Variants in EMX1 observed in about 807,000 individuals in gnomAD.
The protein encoded by EMX1 is empty spiracles homeobox 1.
In EMX1, 10 loss-of-function variants were observed where a neutral mutation model predicts 20.1. The ratio of observed to expected loss-of-function variants is 0.50; its 90% CI spans 0.31 to 0.84. EMX1 has a LOEUF of 0.84. Ranked by LOEUF, EMX1 falls within the 40% of genes least tolerant of loss-of-function variation. EMX1 has a pLI of 0.05. For missense variants in EMX1, 424 were observed against 431.9 expected (o/e 0.98, Z 0.16); for synonymous variants, 250 against 200.4 (o/e 1.25, Z -2.09).
At chr2:72,928,718 T>C (rs1451395058) in intron 2 of EMX1, among the ~76,000 whole-genome samples, 1 of 152,174 alleles carries the variant, frequency 6.6e-6, no homozygotes. Flanking sequence ...TACTGAGTGA[T>C]GAAGGCTAAG....
chr2:72,923,774 C>T, intron 1 of EMX1: 1 of 190,370 alleles, frequency 5.3e-6, no homozygotes, highest in South Asian at 1.1e-4. Flanking sequence ...CTGTGTTTGG[C>T]AAAGGTGTGC....
chr2:72,932,203 C>T (rs140408200), intron 2 of EMX1, among the ~76,000 whole-genome samples: 298 of 152,364 alleles, frequency 2.0e-3, no homozygotes, highest in African/African-American at 6.0e-3. Context: ...AACTCTGCCA[C>T]GCAGCACCGT....
chr2:72,922,719 A>G (rs1401656893), intron 1 of EMX1, among the ~76,000 whole-genome samples: 1 of 152,242 alleles, frequency 6.6e-6, no homozygotes, highest in Non-Finnish European at 1.5e-5. Context: ...GGGAGTTTCC[A>G]CCAACAGAGG....
intron 1 of EMX1, among the ~76,000 whole-genome samples, chr2:72,920,195 G>C (rs1390778502): frequency 6.6e-6 from 1 of 152,204 alleles, no homozygotes; most frequent in Non-Finnish European, 1.5e-5. Context: ...GGGGCGCCTG[G>C]AGAGAAATCC....
chr2:72,918,411 G>C, intron 1 of EMX1, 39 bp downstream of exon 1: 1 of 1,360,650 alleles, frequency 7.3e-7, no homozygotes, highest in Non-Finnish European at 9.4e-7. Context: ...CGGCCGGCCG[G>C]CGCCCGTGCT....
chr2:72,934,140 C>G lies in EMX1; in HGVS notation c.*186C>G. The G allele has an allele frequency of 1.2e-6, 1 of 854,538 alleles. No homozygotes were observed. 52.9% of individuals were successfully genotyped at this position (854,538 alleles called of 1,614,324 possible). On this transcript the variant is annotated 3_prime_UTR_variant, in exon 3 of 3. Transcript: ENST00000258106. ...GGACAAGCAATGGGCTGGCTGAGGC[C>G]TGGGACCACTTGGCCTTCTCCTCGG... is the stretch of plus-strand genomic sequence containing the variant.
rs1553501068 is a variant in EMX1 at position 72,918,227 on chromosome 2, C to CCCCGCGCTGACCGTGCAG, written c.392_393insGCCCGCGCTGACCGTGCA (p.Val130_His131insGlnProAlaLeuThrVal). ...TCGTGTTCCCCGAGGCCATGAACCA[C>CCCCGCGCTGACCGTGCAG]CCCGCGCTGACCGTGCATCCGGCGC... On this transcript the variant is annotated inframe_insertion, in exon 1 of 3. Transcript: ENST00000258106. 6.3e-7 allele frequency: 1 copy of CCCCGCGCTGACCGTGCAG among 1,580,656 alleles called. No homozygotes were observed. Among genetic ancestry groups the CCCCGCGCTGACCGTGCAG allele is most frequent in the African/African-American group, 1.4e-5 (1 of 72,306 alleles).
chr2:72,916,672 T>C, upstream of EMX1: 1 of 715,530 alleles, frequency 1.4e-6, no homozygotes, highest in Non-Finnish European at 2.6e-6. Context: ...ACGGCTGGCG[T>C]GTTCTCTTGA....
chr2:72,923,937 A>G, intron 1 of EMX1: 2 of 342,160 alleles, frequency 5.8e-6, no homozygotes, highest in East Asian at 6.4e-5. Flanking sequence ...AGGGCGGAGA[A>G]AGAGCGCCAT....
At chr2:72,925,455 T>C in intron 2 of EMX1, 9 of 1,287,788 alleles carry the variant, frequency 7.0e-6, no homozygotes, top group Non-Finnish European at 7.1e-6. Context: ...CGTGTTGGAG[T>C]GGGGCTCAGC....
In EMX1 at chr2:72,922,290, C is replaced by T. The variant is rs1228131100; in HGVS notation, c.521-2019C>T. ...AGCATTTGCTTTCCACCCACCTTTC[C>T]CTGGCCTACCTCACTGGCCCCACCC... On this transcript the variant is annotated intron_variant, in intron 1 of 2. Coordinates refer to ENST00000258106, the MANE Select transcript of EMX1 (RefSeq NM_004097.3). 2.0e-5 allele frequency among the ~76,000 whole-genome samples: 3 copies of T among 152,210 alleles called. No homozygotes were observed. The East Asian group carries it at 5.8e-4, about 29-fold the overall frequency.
At chr2:72,932,084 G>A (rs1379841675) in intron 2 of EMX1, among the ~76,000 whole-genome samples, 2 of 152,224 alleles carry the variant, frequency 1.3e-5, no homozygotes, top group Admixed American at 6.5e-5. Flanking sequence ...CTGGGAGCAG[G>A]AGCAGTCTTT....
At chr2:72,920,325 A>C (rs539497676) in intron 1 of EMX1, among the ~76,000 whole-genome samples, 22 of 152,338 alleles carry the variant, frequency 1.4e-4, no homozygotes, top group African/African-American at 5.1e-4. Context: ...CGAGTAGCAC[A>C]AACAGTTGGA....
Position 72,924,535 on chromosome 2 carries a change from G to A in EMX1, c.705+42G>A, listed in dbSNP as rs761424214. ...GCGGCCTGCCCTGCGCCCGGAGCCC[G>A]GGTGGAGGTGAGGGTGCGCGGGTGC... On this transcript the variant is annotated intron_variant, in intron 2 of 2. Transcript: ENST00000258106. 1.9e-5 allele frequency: 28 copies of A among 1,508,498 alleles called. No individual in the cohort carries two copies. The Admixed American group carries it at 5.6e-4, about 30-fold the overall frequency. 93.4% of individuals were successfully genotyped at this position (1,508,498 alleles called of 1,614,324 possible). A position where few individuals can be genotyped will look rare whatever the true frequency, so the allele number is the denominator to read the frequency against.
At chr2:72,916,506 T>C (rs538107992), upstream of EMX1, 291 of 597,206 alleles carry the variant, frequency 4.9e-4, 4 homozygotes, top group South Asian at 3.6e-3. Context: ...TGGGAAAGTT[T>C]GGGGAGTCCC....
chr2:72,925,484 TGCCCTG>T (rs762783908), intron 2 of EMX1: 57 of 1,288,968 alleles, frequency 4.4e-5, no homozygotes, highest in Non-Finnish European at 5.8e-5. Context: ...GCCTAGCTGC[TGCCCTG>T]GAGGTGGATT....
chr2:72,926,665 A>G (rs757307674), intron 2 of EMX1, among the ~76,000 whole-genome samples: 11 of 152,202 alleles, frequency 7.2e-5, no homozygotes, highest in Non-Finnish European at 1.5e-4. Context: ...TCATTGAGAA[A>G]ATAGTTGTTT....
chr2:72,928,740 C>T (rs1212135373), intron 2 of EMX1, among the ~76,000 whole-genome samples: 1 of 152,184 alleles, frequency 6.6e-6, no homozygotes, highest in Non-Finnish European at 1.5e-5. Context: ...GCAAAGCTTG[C>T]ACATTTGTGA....
At chr2:72,917,356 G>GGGA, upstream of EMX1, 1 of 350,428 alleles carries the variant, frequency 2.9e-6, no homozygotes, top group East Asian at 5.1e-5. Flanking sequence ...CAGTGGCGAG[G>GGGA]GGAGGAGGAG....
Sources: gnomAD v4.1 joint callset for allele counts (sites outside exome capture counted in the v4.1 genomes callset) on GRCh38, gnomAD v4.1.1 for gene constraint, MANE v1.5 for transcripts, NCBI Gene and HGNC (gene_info 2026-07-23, HGNC 2026-07-21) for gene names.